Variants in NELL1 observed in about 807,000 individuals in gnomAD.
The protein encoded by NELL1 is neural EGFL like 1, also known as protein kinase C-binding protein NELL1.
Under a neutral mutation model 107.4 loss-of-function variants are expected in NELL1, and 76 were observed. That is an observed-to-expected ratio of 0.71 (90% confidence interval 0.59 to 0.86). NELL1 has a LOEUF of 0.86. Among genes scored for constraint, NELL1 ranks in the 40% least tolerant of loss-of-function variants. The probability of loss-of-function intolerance (pLI) is 0.00; values close to 1 mark genes in which losing one functional copy is unlikely to be tolerated. For synonymous variants in NELL1, 353 were observed against 341.2 expected (o/e 1.03, Z -0.38); for missense variants, 1,024 against 1,005.5 (o/e 1.02, Z -0.25).
intron 2 of NELL1, among the ~76,000 whole-genome samples, chr11:20,704,808 A>C (rs956549844): frequency 1.3e-5 from 2 of 151,314 alleles, no homozygotes; most frequent in Admixed American, 6.6e-5. Flanking sequence ...AAAATTCTTT[A>C]AGAATGTCAA....
intron 2 of NELL1, among the ~76,000 whole-genome samples, chr11:20,747,678 C>A (rs1320156916): frequency 6.6e-6 from 1 of 152,104 alleles, no homozygotes; most frequent in African/African-American, 2.4e-5. Flanking sequence ...TTTCAACATG[C>A]GTTTTGGAGG....
chr11:21,194,453 C>G (rs1002440326), intron 13 of NELL1, among the ~76,000 whole-genome samples: 1 of 152,078 alleles, frequency 6.6e-6, no homozygotes, highest in African/African-American at 2.4e-5. Context: ...CTGGACCCCC[C>G]CATAGAGATT....
At chr11:21,137,687 A>G (rs564567089) in intron 13 of NELL1, among the ~76,000 whole-genome samples, 1 of 152,352 alleles carries the variant, frequency 6.6e-6, no homozygotes, top group African/African-American at 2.4e-5. Context: ...GGAAAGCAGA[A>G]TAAAGATGCT....
chr11:21,381,579 A>T, intron 15 of NELL1, among the ~76,000 whole-genome samples: 1 of 151,886 alleles, frequency 6.6e-6, no homozygotes, highest in Middle Eastern at 3.2e-3. Context: ...TAAAATTGAG[A>T]CTCAGAAATA....
At chr11:21,049,363 T>C (rs1180138658) in intron 12 of NELL1, among the ~76,000 whole-genome samples, 1 of 152,198 alleles carries the variant, frequency 6.6e-6, no homozygotes, top group South Asian at 2.1e-4. Flanking sequence ...GTTACCCTTT[T>C]CAACGTGCTT....
At chr11:21,284,341 G>A (rs1421979310) in intron 14 of NELL1, 6 of 457,144 alleles carry the variant, frequency 1.3e-5, no homozygotes, top group South Asian at 6.2e-5. Flanking sequence ...TGAAAGGAGT[G>A]ACAGAGAGCC....
At chr11:21,460,912 G>T (rs1853884847) in intron 15 of NELL1, among the ~76,000 whole-genome samples, 3 of 152,108 alleles carry the variant, frequency 2.0e-5, no homozygotes, top group Admixed American at 2.0e-4. Flanking sequence ...CCCTCACATT[G>T]TGATTGGGGT....
At chr11:20,993,032 G>A (rs76490532) in intron 12 of NELL1, among the ~76,000 whole-genome samples, 128 of 152,262 alleles carry the variant, frequency 8.4e-4, no homozygotes, top group African/African-American at 3.0e-3. Context: ...GCGGTTTGTG[G>A]CAATCATTGC....
intron 15 of NELL1, among the ~76,000 whole-genome samples, chr11:21,404,536 A>G (rs963872713): frequency 6.6e-6 from 1 of 151,972 alleles, no homozygotes; most frequent in Non-Finnish European, 1.5e-5. Flanking sequence ...AGAAAACTGA[A>G]GCCTAAAGAT....
chr11:20,820,803 C>T (rs1035537841), intron 3 of NELL1, among the ~76,000 whole-genome samples: 3 of 152,166 alleles, frequency 2.0e-5, no homozygotes, highest in Admixed American at 2.0e-4. Flanking sequence ...ATTAGAGAGC[C>T]TTCCTTGATA....
In NELL1 at chr11:21,243,914, G is replaced by A. The variant is rs1354005138; in HGVS notation, c.1549+14460G>A. Reference sequence around the variant, plus strand: ...GGGTGATCTCTGGAGAGGCAGCAGGGCACCCTTAAAATGAAATGGTACTTT... The same window carrying A: ...GGGTGATCTCTGGAGAGGCAGCAGGACACCCTTAAAATGAAATGGTACTTT... On this transcript the variant is annotated intron_variant, in intron 14 of 19. Coordinates refer to ENST00000357134, the MANE Select transcript of NELL1 (RefSeq NM_006157.5). Among the ~76,000 whole-genome samples the A allele has an allele frequency of 2.0e-5, 3 of 152,072 alleles. No individual in the cohort carries two copies. The East Asian group carries it at 5.8e-4, about 29-fold the overall frequency.
At chr11:20,721,898 C>T (rs1484221232) in intron 2 of NELL1, among the ~76,000 whole-genome samples, 1 of 152,008 alleles carries the variant, frequency 6.6e-6, no homozygotes, top group Non-Finnish European at 1.5e-5. Context: ...TTGAAGAGTT[C>T]TTGGCAGAGG....
chr11:21,209,689 A>C (rs1222232753), intron 13 of NELL1, among the ~76,000 whole-genome samples: 1 of 152,130 alleles, frequency 6.6e-6, no homozygotes, highest in Non-Finnish European at 1.5e-5. Context: ...AGCAATTATC[A>C]TAATCTGGTT....
intron 12 of NELL1, among the ~76,000 whole-genome samples, chr11:21,089,533 A>G (rs973028149): frequency 3.6e-4 from 55 of 152,368 alleles, no homozygotes; most frequent in African/African-American, 1.1e-3. Flanking sequence ...ACGGCTAACT[A>G]TATAAATTTT....
chr11:21,066,772 G>T (rs548383008), intron 12 of NELL1, among the ~76,000 whole-genome samples: 3 of 151,982 alleles, frequency 2.0e-5, no homozygotes, highest in Non-Finnish European at 4.4e-5. Flanking sequence ...TCAGCAACAT[G>T]GTGAAACCTT....
At chr11:20,908,998 A>G (rs1263987905) in intron 5 of NELL1, among the ~76,000 whole-genome samples, 1 of 152,230 alleles carries the variant, frequency 6.6e-6, no homozygotes, top group Non-Finnish European at 1.5e-5. Flanking sequence ...ATTCATCCAT[A>G]AGAAAGGAAT....
intron 5 of NELL1, among the ~76,000 whole-genome samples, chr11:20,896,011 G>A (rs1171632554): frequency 1.5e-4 from 22 of 151,618 alleles, no homozygotes; most frequent in Non-Finnish European, 2.9e-5. Flanking sequence ...ACTAGTTTTT[G>A]GGGCACAGGT....
intron 2 of NELL1, among the ~76,000 whole-genome samples, chr11:20,779,541 A>G (rs1018187156): frequency 1.3e-5 from 2 of 152,248 alleles, no homozygotes; most frequent in Admixed American, 6.5e-5. Context: ...TGGAAGTACA[A>G]TATTCACTAT....
intron 14 of NELL1, among the ~76,000 whole-genome samples, chr11:21,278,668 A>G (rs1848924348): frequency 6.6e-6 from 1 of 152,206 alleles, no homozygotes; most frequent in East Asian, 1.9e-4. Flanking sequence ...ATCCATGTTT[A>G]TGGATAGGAA....
Sources: gnomAD v4.1 joint callset for allele counts (sites outside exome capture counted in the v4.1 genomes callset) on GRCh38, gnomAD v4.1.1 for gene constraint, MANE v1.5 for transcripts, NCBI Gene and HGNC (gene_info 2026-07-23, HGNC 2026-07-21) for gene names.